Variants in TAF1B observed in about 807,000 individuals in gnomAD.
TAF1B encodes TATA-box binding protein associated factor, RNA polymerase I subunit B, also known as TATA box-binding protein-associated factor RNA polymerase I subunit B.
TAF1B carries 61 observed loss-of-function variants against 83.9 expected under a neutral mutation model. The observed-to-expected ratio is 0.73, with a 90% CI of 0.59 to 0.90. TAF1B has a LOEUF of 0.90. Among genes scored for constraint, TAF1B ranks in the 40% least tolerant of loss-of-function variants. The probability of loss-of-function intolerance (pLI) is 0.00; values close to 1 mark genes in which losing one functional copy is unlikely to be tolerated. For synonymous variants in TAF1B, 221 were observed against 224.6 expected, an observed-to-expected ratio of 0.98 and a Z score of 0.14; for missense variants, 625 against 677.0, an observed-to-expected ratio of 0.92 and a Z score of 0.85.
At chr2:9,869,947 T>C (rs1193983562) in intron 6 of TAF1B, among the ~76,000 whole-genome samples, 1 of 152,034 alleles carries the variant, frequency 6.6e-6, no homozygotes, top group Admixed American at 6.6e-5. Context: ...GAAAATAAAA[T>C]CACCAGTTAC....
intron 14 of TAF1B, among the ~76,000 whole-genome samples, chr2:9,926,821 AAG>A (rs386389506): frequency 1.2e-3 from 187 of 151,502 alleles, no homozygotes; most frequent in Admixed American, 3.4e-3. Context: ...AAAAAAAAAA[AAG>A]AGAGATTGGC....
intron 5 of TAF1B, among the ~76,000 whole-genome samples, chr2:9,867,739 A>G (rs143360384): frequency 4.6e-4 from 70 of 152,310 alleles, no homozygotes; most frequent in African/African-American, 1.6e-3. Flanking sequence ...AGTATGAGAT[A>G]GTATATCCTT....
chr2:9,889,483 GTTTTC>G (rs1160114036), intron 8 of TAF1B, among the ~76,000 whole-genome samples: 2 of 151,568 alleles, frequency 1.3e-5, no homozygotes, highest in Non-Finnish European at 2.9e-5. Flanking sequence ...TTATGTTCTT[GTTTTC>G]TTTTATATTC....
intron 7 of TAF1B, among the ~76,000 whole-genome samples, chr2:9,881,824 C>G (rs1024389258): frequency 1.3e-5 from 2 of 152,210 alleles, no homozygotes; most frequent in Non-Finnish European, 2.9e-5. Context: ...ATTTGATCCA[C>G]TGTGTACCAG....
intron 6 of TAF1B, among the ~76,000 whole-genome samples, chr2:9,873,119 A>G (rs1302787851): frequency 2.0e-5 from 3 of 152,298 alleles, no homozygotes; most frequent in South Asian, 2.1e-4. Context: ...GAAATCTTCA[A>G]AGTAGAACTG....
intron 8 of TAF1B, among the ~76,000 whole-genome samples, chr2:9,900,760 TC>T (rs1245904561): frequency 6.6e-6 from 1 of 152,100 alleles, no homozygotes; most frequent in African/African-American, 2.4e-5. Flanking sequence ...TCAAGGATGT[TC>T]CTAAATGTTT....
chr2:9,897,713 C>A (rs187654776), intron 8 of TAF1B, among the ~76,000 whole-genome samples: 37 of 152,206 alleles, frequency 2.4e-4, no homozygotes, highest in Admixed American at 2.2e-3. Context: ...CAAATGAGGG[C>A]CTTATTGGAT....
Position 9,882,806 on chromosome 2 carries a change from G to A in TAF1B, c.807+1G>A, listed in dbSNP as rs1198150236. The A allele has an allele frequency of 1.8e-5, 29 of 1,589,516 alleles. No homozygotes were observed. The highest frequency in any genetic ancestry group is 2.4e-5 in the Non-Finnish European group (28 of 1,168,188). ...TGACAGAGGAATCTTTGGTATAGAGGTAAGTTATTTTCTTTTTTACTTTCT... is the reference window on the plus strand; with the variant it reads ...TGACAGAGGAATCTTTGGTATAGAGATAAGTTATTTTCTTTTTTACTTTCT... On this transcript the variant is annotated splice_donor_variant, in intron 8 of 14. Transcript: ENST00000263663. LOFTEE classifies it high-confidence loss of function.
intron 14 of TAF1B, among the ~76,000 whole-genome samples, chr2:9,931,510 G>T (rs1192335371): frequency 6.6e-6 from 1 of 152,140 alleles, no homozygotes; most frequent in Non-Finnish European, 1.5e-5. Flanking sequence ...CTTTCTTCTG[G>T]CTTGTAGAGT....
intron 7 of TAF1B, among the ~76,000 whole-genome samples, chr2:9,880,662 T>C (rs1664477073): frequency 6.6e-6 from 1 of 152,066 alleles, no homozygotes; most frequent in Non-Finnish European, 1.5e-5. Context: ...ATGTGCAGGC[T>C]GTTTGTCTGA....
At chr2:9,925,593 T>TTG (rs1666011321) in intron 14 of TAF1B, among the ~76,000 whole-genome samples, 1 of 151,224 alleles carries the variant, frequency 6.6e-6, no homozygotes, top group Admixed American at 6.6e-5. Context: ...GTGTTTGTTT[T>TTG]TTTTTTGAGA....
rs1480375935 is a variant in TAF1B at position 9,884,209 on chromosome 2, T to C, written c.807+1404T>C. Among the ~76,000 whole-genome samples, 4 of 152,272 alleles carry C rather than the reference T, an allele frequency of 2.6e-5. No homozygotes were observed. In the East Asian group the frequency reaches 5.8e-4, roughly 22 times the overall value. On this transcript the variant is annotated intron_variant, in intron 8 of 14. Transcript: ENST00000263663. ...CTGCAAGCAGTTTCCGCAGCTGGCA[T>C]TGGGGAACACGGTGGTACCTGGGAG...
intron 2 of TAF1B, among the ~76,000 whole-genome samples, chr2:9,848,094 G>A (rs1212428632): frequency 6.6e-6 from 1 of 151,604 alleles, no homozygotes; most frequent in Non-Finnish European, 1.5e-5. Context: ...TTTTTTCCTG[G>A]CTACCCTTTG....
intron 3 of TAF1B, among the ~76,000 whole-genome samples, chr2:9,849,693 T>G (rs1222189855): frequency 2.0e-5 from 3 of 152,218 alleles, no homozygotes; most frequent in Non-Finnish European, 4.4e-5. Flanking sequence ...AATTGTTAGG[T>G]TAGGTGAGTT....
intron 7 of TAF1B, among the ~76,000 whole-genome samples, chr2:9,877,629 CA>C (rs945944451): frequency 2.6e-4 from 40 of 152,066 alleles, no homozygotes; most frequent in African/African-American, 9.4e-4. Context: ...AAGGATCTTA[CA>C]AAAACATAAA....
chr2:9,889,265 A>G (rs943245414), intron 8 of TAF1B, among the ~76,000 whole-genome samples: 2 of 151,690 alleles, frequency 1.3e-5, no homozygotes, highest in Admixed American at 6.6e-5. Context: ...TAGCTCCCTG[A>G]GGCTTTTCCT....
chr2:9,925,635 G>A (rs961361839), intron 14 of TAF1B, among the ~76,000 whole-genome samples: 1 of 150,468 alleles, frequency 6.6e-6, no homozygotes, highest in East Asian at 2.0e-4. Context: ...AGGCTAGAGT[G>A]CAGTGACACA....
At chr2:9,927,274 A>T (rs911071444) in intron 14 of TAF1B, among the ~76,000 whole-genome samples, 26 of 152,124 alleles carry the variant, frequency 1.7e-4, no homozygotes, top group Non-Finnish European at 3.4e-4. Context: ...CTATCATTGA[A>T]GGACATTTGG....
chr2:9,924,935 A>G (rs773848409), intron 14 of TAF1B, among the ~76,000 whole-genome samples: 1 of 152,136 alleles, frequency 6.6e-6, no homozygotes, highest in Non-Finnish European at 1.5e-5. Context: ...TGCCCTTACT[A>G]TTCCTCCAAT....
Sources: allele counts gnomAD v4.1 joint callset (sites outside exome capture counted in the v4.1 genomes callset), GRCh38; gene constraint gnomAD v4.1.1; transcripts MANE v1.5; gene names NCBI Gene and HGNC (gene_info 2026-07-23, HGNC 2026-07-21).